The following SH2D4B variants were observed in gnomAD, a reference collection of about 807,000 sequenced individuals.
The protein encoded by SH2D4B is SH2 domain-containing protein 4B.
In SH2D4B, 45 loss-of-function variants were observed where a neutral mutation model predicts 61.5. The ratio of observed to expected loss-of-function variants is 0.73; its 90% CI spans 0.58 to 0.94. SH2D4B has a LOEUF of 0.94. SH2D4B is among the 40% of genes least tolerant of loss of function. SH2D4B has a pLI of 0.00. For synonymous variants in SH2D4B, 224 were observed against 220.4 expected (o/e 1.02, Z -0.14); for missense variants, 572 against 574.2 (o/e 1.00, Z 0.04).
At chr10:80,621,614 G>A (rs889203108) in intron 6 of SH2D4B, among the ~76,000 whole-genome samples, 10 of 152,244 alleles carry the variant, frequency 6.6e-5, no homozygotes, top group African/African-American at 9.6e-5. Context: ...GTCAAATGTC[G>A]TCTGGGTATA....
chr10:80,572,137 G>A (rs955411129), intron 3 of SH2D4B, among the ~76,000 whole-genome samples: 3 of 152,142 alleles, frequency 2.0e-5, no homozygotes, highest in Non-Finnish European at 2.9e-5. Flanking sequence ...ACTTGGCCAA[G>A]TTCACATATA....
At chr10:80,630,110 GGAA>G (rs1338638762) in intron 6 of SH2D4B, among the ~76,000 whole-genome samples, 2 of 148,460 alleles carry the variant, frequency 1.3e-5, no homozygotes, top group African/African-American at 5.2e-5. Context: ...AGGGAGAGAG[GGAA>G]GAAGGATGAT....
chr10:80,632,892 C>T (rs1014477591), intron 6 of SH2D4B, among the ~76,000 whole-genome samples: 5 of 151,764 alleles, frequency 3.3e-5, no homozygotes, highest in Admixed American at 3.3e-4. Context: ...TCTTACTCTT[C>T]TTCCTTTTCT....
intron 1 of SH2D4B, among the ~76,000 whole-genome samples, chr10:80,543,541 C>A (rs1841615692): frequency 6.6e-6 from 1 of 152,224 alleles, no homozygotes; most frequent in African/African-American, 2.4e-5. Context: ...CCGATGAGCG[C>A]CACCCCCTGC....
At chr10:80,574,101 C>T (rs1418953554) in intron 3 of SH2D4B, among the ~76,000 whole-genome samples, 1 of 152,080 alleles carries the variant, frequency 6.6e-6, no homozygotes, top group Non-Finnish European at 1.5e-5. Flanking sequence ...TTTTTTGGAA[C>T]TTGGTAAAAT....
intron 4 of SH2D4B, among the ~76,000 whole-genome samples, chr10:80,602,882 A>G (rs10881806): frequency 0.28 from 41,928 of 151,964 alleles, 6,414 homozygotes; most frequent in African/African-American, 0.4. Flanking sequence ...GAGTGGTGGG[A>G]CCACGGGGTG....
chr10:80,572,801 G>A (rs1286239446), intron 3 of SH2D4B, among the ~76,000 whole-genome samples: 2 of 147,102 alleles, frequency 1.4e-5, no homozygotes, highest in African/African-American at 5.0e-5. Flanking sequence ...TGTATTTTTA[G>A]TAGAGACGGG....
chr10:80,643,315 A>T (rs1267725284), intron 7 of SH2D4B, among the ~76,000 whole-genome samples: 4 of 150,428 alleles, frequency 2.7e-5, no homozygotes, highest in African/African-American at 9.8e-5. Context: ...CTGAGGAGAG[A>T]TTAATGCACA....
intron 5 of SH2D4B, among the ~76,000 whole-genome samples, chr10:80,608,008 C>G (rs60414438): frequency 6.6e-6 from 1 of 152,124 alleles, no homozygotes; most frequent in Non-Finnish European, 1.5e-5. Flanking sequence ...GCGATTCTCC[C>G]GCCTCAGCCT....
chr10:80,586,912 G>A (rs1842259069), intron 3 of SH2D4B, among the ~76,000 whole-genome samples: 2 of 151,418 alleles, frequency 1.3e-5, no homozygotes. Context: ...CAGACGCACT[G>A]CCTTAAGAGC....
At chr10:80,540,856 G>C (rs1348094418) in intron 1 of SH2D4B, 6 of 1,551,398 alleles carry the variant, frequency 3.9e-6, no homozygotes, top group Non-Finnish European at 5.2e-6. Flanking sequence ...GGAATTGTGC[G>C]GGGACGGGCT....
At chr10:80,608,643 C>T (rs778582724) in intron 5 of SH2D4B, among the ~76,000 whole-genome samples, 5 of 152,042 alleles carry the variant, frequency 3.3e-5, no homozygotes, top group African/African-American at 4.8e-5. Context: ...AACTTTAAAA[C>T]GTATCTACTC....
At chr10:80,625,675 C>T (rs1457313262) in intron 6 of SH2D4B, among the ~76,000 whole-genome samples, 5 of 150,926 alleles carry the variant, frequency 3.3e-5, no homozygotes, top group East Asian at 2.0e-4. Flanking sequence ...CGGGTTCAAG[C>T]GATTCTCCTG....
intron 3 of SH2D4B, 57 bp downstream of exon 3, chr10:80,571,635 T>A: frequency 1.9e-6 from 3 of 1,592,038 alleles, no homozygotes; most frequent in Non-Finnish European, 2.6e-6. Context: ...CTGAGACCAC[T>A]GGGGCTGACC....
At chr10:80,593,478 C>A (rs1182125505) in intron 4 of SH2D4B, among the ~76,000 whole-genome samples, 2 of 152,062 alleles carry the variant, frequency 1.3e-5, no homozygotes, top group Non-Finnish European at 2.9e-5. Context: ...GAATAGTTTT[C>A]TTAGTTTCAT....
At chr10:80,589,705 A>G (rs1878041) in intron 4 of SH2D4B, among the ~76,000 whole-genome samples, 77,730 of 151,968 alleles carry the variant, frequency 0.51, 21,622 homozygotes, top group African/African-American at 0.74. Flanking sequence ...CATACAACAT[A>G]GTTGTCCTGG....
intron 4 of SH2D4B, among the ~76,000 whole-genome samples, chr10:80,594,334 T>C (rs985090469): frequency 6.6e-6 from 1 of 152,236 alleles, no homozygotes; most frequent in African/African-American, 2.4e-5. Flanking sequence ...CTGGGATAAA[T>C]CCCACTTCTT....
At chr10:80,582,838 C>T (rs1017444232) in intron 3 of SH2D4B, among the ~76,000 whole-genome samples, 2 of 152,188 alleles carry the variant, frequency 1.3e-5, no homozygotes, top group African/African-American at 4.8e-5. Context: ...CAGCCTGCTC[C>T]CCTCCAATTC....
At chr10:80,639,382 G>C (rs1289319890) in intron 7 of SH2D4B, among the ~76,000 whole-genome samples, 1 of 152,160 alleles carries the variant, frequency 6.6e-6, no homozygotes, top group Non-Finnish European at 1.5e-5. Flanking sequence ...TATTGACAGG[G>C]GGTGTTAAAG....
Sources: gnomAD v4.1 joint callset for allele counts (sites outside exome capture counted in the v4.1 genomes callset) on GRCh38, gnomAD v4.1.1 for gene constraint, MANE v1.5 for transcripts, NCBI Gene and HGNC (gene_info 2026-07-23, HGNC 2026-07-21) for gene names.